Variants in SLC25A13 observed in about 807,000 individuals in gnomAD.
The protein encoded by SLC25A13 is electrogenic aspartate/glutamate antiporter SLC25A13, mitochondrial.
A neutral mutation model predicts 85.5 loss-of-function variants in SLC25A13; 70 were observed. That is an observed-to-expected ratio of 0.82 (90% CI 0.68 to 1.00). The LOEUF is 1.00. Ranked by LOEUF, SLC25A13 falls within the 50% of genes least tolerant of loss-of-function variation. The pLI is 0.00. For missense variants in SLC25A13, 765 were observed against 819.8 expected (o/e 0.93, Z 0.82); for synonymous variants, 259 against 288.7 (o/e 0.90, Z 1.04).
chr7:96,322,035 G>A lies in SLC25A13; in HGVS notation c.-79C>T, dbSNP rs1800377455. 2.0e-6 allele frequency: 3 copies of A among 1,516,684 alleles called. No homozygotes were observed. The highest frequency in any genetic ancestry group is 1.4e-5 in the African/African-American group (1 of 69,376). 94.0% of individuals were successfully genotyped at this position (1,516,684 alleles called of 1,614,324 possible). A position where few individuals can be genotyped will look rare whatever the true frequency, so the allele number is the denominator to read the frequency against. ...TTGGGACCCGGGCGGCTCACTTCTA[G>A]TCCCGGCGGCGGCGGCGGTGGGGGC... On this transcript the variant is annotated 5_prime_UTR_variant, in exon 1 of 18. Transcript: ENST00000265631.
intron 5 of SLC25A13, among the ~76,000 whole-genome samples, chr7:96,200,978 A>G (rs955364422): frequency 1.3e-5 from 2 of 152,196 alleles, no homozygotes; most frequent in Non-Finnish European, 2.9e-5. Flanking sequence ...GTTACTCATC[A>G]CCAAACTAGC....
intron 2 of SLC25A13, among the ~76,000 whole-genome samples, chr7:96,288,410 T>TGGACAGTGGGGGCA: frequency 6.6e-6 from 1 of 152,258 alleles, no homozygotes; most frequent in Admixed American, 6.5e-5. Flanking sequence ...TGGGGCTCAT[T>TGGACAGTGGGGGCA]GGACAGTGGG....
chr7:96,312,896 A>T (rs1203270413), intron 1 of SLC25A13, among the ~76,000 whole-genome samples: 3 of 152,212 alleles, frequency 2.0e-5, no homozygotes, highest in African/African-American at 7.2e-5. Context: ...CCATGGCCGT[A>T]GAAGGGTTTC....
At chr7:96,289,301 T>TG (rs1217675456) in intron 2 of SLC25A13, among the ~76,000 whole-genome samples, 1 of 151,804 alleles carries the variant, frequency 6.6e-6, no homozygotes, top group East Asian at 1.9e-4. Context: ...ACCACAAAGA[T>TG]GGGGGAAAAA....
At chr7:96,244,372 G>GAAGACTCAC (rs1797105109) in intron 3 of SLC25A13, among the ~76,000 whole-genome samples, 1 of 152,130 alleles carries the variant, frequency 6.6e-6, no homozygotes, top group Admixed American at 6.5e-5. Flanking sequence ...GCACACAAAC[G>GAAGACTCAC]AAGACTCACG....
At chr7:96,186,980 C>T (rs371729027) in intron 9 of SLC25A13, among the ~76,000 whole-genome samples, 2 of 152,068 alleles carry the variant, frequency 1.3e-5, no homozygotes, top group African/African-American at 4.8e-5. Flanking sequence ...TACAGTTGAT[C>T]GTTACTTTTT....
intron 1 of SLC25A13, among the ~76,000 whole-genome samples, chr7:96,314,612 C>T (rs375983206): frequency 6.6e-6 from 1 of 152,020 alleles, no homozygotes; most frequent in African/African-American, 2.4e-5. Context: ...GCAGCAAATG[C>T]CAACCAGAGA....
At chr7:96,290,766 A>C (rs374058486) in intron 2 of SLC25A13, among the ~76,000 whole-genome samples, 13 of 152,160 alleles carry the variant, frequency 8.5e-5, no homozygotes, top group African/African-American at 2.7e-4. Flanking sequence ...CAGGAGCACC[A>C]AGATTCATAA....
intron 4 of SLC25A13, among the ~76,000 whole-genome samples, chr7:96,221,070 A>T (rs1272031586): frequency 6.6e-6 from 1 of 152,202 alleles, no homozygotes; most frequent in African/African-American, 2.4e-5. Context: ...TTCTTAAATT[A>T]TCCCACCAAC....
intron 1 of SLC25A13, among the ~76,000 whole-genome samples, chr7:96,311,090 T>C (rs1283955412): frequency 1.3e-5 from 2 of 152,182 alleles, no homozygotes; most frequent in East Asian, 3.8e-4. Flanking sequence ...ATACATAATA[T>C]GCATACATAC....
intron 9 of SLC25A13, among the ~76,000 whole-genome samples, chr7:96,187,049 T>C (rs1291957767): frequency 6.6e-6 from 1 of 152,248 alleles, no homozygotes; most frequent in East Asian, 1.9e-4. Flanking sequence ...CATTGTTTTC[T>C]GGTTCTTTTG....
chr7:96,302,653 C>T (rs1799593704), intron 1 of SLC25A13, among the ~76,000 whole-genome samples: 1 of 152,160 alleles, frequency 6.6e-6, no homozygotes, highest in South Asian at 2.1e-4. Context: ...GATCAGGAAA[C>T]AAAGTAGATT....
chr7:96,180,576 G>A (rs563828053), intron 11 of SLC25A13, among the ~76,000 whole-genome samples: 2 of 152,214 alleles, frequency 1.3e-5, no homozygotes, highest in East Asian at 1.9e-4. Context: ...TGATCCACCC[G>A]CCTCGGTCTC....
At chr7:96,226,268 A>AAT (rs1390871793) in intron 4 of SLC25A13, among the ~76,000 whole-genome samples, 2 of 152,140 alleles carry the variant, frequency 1.3e-5, no homozygotes, top group Admixed American at 6.5e-5. Context: ...AGAATCATGT[A>AAT]ATATTTGTCT....
chr7:96,293,740 A>T (rs1179981814), intron 2 of SLC25A13, among the ~76,000 whole-genome samples: 1 of 152,198 alleles, frequency 6.6e-6, no homozygotes, highest in Non-Finnish European at 1.5e-5. Flanking sequence ...ATACCATCTC[A>T]CACCAGTTAG....
chr7:96,124,260 C>CT (rs1197485335), intron 15 of SLC25A13, among the ~76,000 whole-genome samples: 2 of 152,138 alleles, frequency 1.3e-5, no homozygotes, highest in African/African-American at 4.8e-5. Flanking sequence ...AAGGAAAGTG[C>CT]TTTTCTTTTT....
intron 1 of SLC25A13, among the ~76,000 whole-genome samples, chr7:96,299,097 A>G (rs1799457364): frequency 6.6e-6 from 1 of 152,222 alleles, no homozygotes; most frequent in Non-Finnish European, 1.5e-5. Context: ...AAAATGAAGT[A>G]TTCTTCGTAA....
rs886062530 is a variant in SLC25A13 at position 96,321,966 on chromosome 7, C to T, written c.-10G>A. ...CCTTGGCGGCCGCCATGATTCGCCCCGGTTGCGGGCGACTGCGGGACCCAC... is the reference window on the plus strand; with the variant it reads ...CCTTGGCGGCCGCCATGATTCGCCCTGGTTGCGGGCGACTGCGGGACCCAC... On this transcript the variant is annotated 5_prime_UTR_variant, in exon 1 of 18. Coordinates refer to ENST00000265631, the MANE Select transcript of SLC25A13 (RefSeq NM_014251.3). 3 of 1,539,738 alleles carry T rather than the reference C, an allele frequency of 1.9e-6. No individual in the cohort carries two copies. The highest frequency in any genetic ancestry group is 2.4e-5 in the South Asian group (2 of 82,478).
intron 15 of SLC25A13, among the ~76,000 whole-genome samples, chr7:96,126,245 T>C (rs1791721754): frequency 6.6e-6 from 1 of 152,170 alleles, no homozygotes; most frequent in South Asian, 2.1e-4. Context: ...ACTGCTGAAA[T>C]GTAGGGAACT....
Sources: gnomAD v4.1 joint callset for allele counts (sites outside exome capture counted in the v4.1 genomes callset) on GRCh38, gnomAD v4.1.1 for gene constraint, MANE v1.5 for transcripts, NCBI Gene and HGNC (gene_info 2026-07-23, HGNC 2026-07-21) for gene names.